Variants in TELO2 observed in about 807,000 individuals in gnomAD.
The protein encoded by TELO2 is telomere length regulation protein TEL2 homolog.
TELO2 carries 71 observed loss-of-function variants against 91.0 expected under a neutral mutation model. That is an observed-to-expected ratio of 0.78 (90% CI 0.64 to 0.95). The LOEUF (loss-of-function observed/expected upper bound fraction) is 0.95. TELO2 is among the 40% of genes least tolerant of loss of function. The pLI is 0.00. For missense variants in TELO2, 1,183 were observed against 1,141.3 expected (o/e 1.04, Z -0.53); for synonymous variants, 584 against 518.9 (o/e 1.13, Z -1.71).
Position 1,497,381 on chromosome 16 carries a change from G to A in TELO2, c.703G>A (p.Val235Ile), listed in dbSNP as rs368678190. The A allele has an allele frequency of 2.6e-6, 4 of 1,548,726 alleles. No individual in the cohort carries two copies. In the African/African-American group the frequency reaches 4.1e-5, roughly 16 times the overall value. Residue 235 changes from valine (V) to isoleucine (I), a missense_variant, in exon 5 of 21, where the codon GTA becomes ATA. Coordinates refer to ENST00000262319, the MANE Select transcript of TELO2 (RefSeq NM_016111.4). The surrounding 1 kb of genome is among the most constrained non-coding windows in gnomAD (Gnocchi z 4.0). ...GRQQEILGVLVPRLAALTQGS... is the reference protein window; with the variant it reads ...GRQQEILGVLIPRLAALTQGS... Reference sequence around the variant, plus strand: ...CTCAGAGGAGATCCTGGGCGTGCTGGTACCCCGGCTGGCAGCGCTCACCCA... The same window carrying A: ...CTCAGAGGAGATCCTGGGCGTGCTGATACCCCGGCTGGCAGCGCTCACCCA...
chr16:1,502,244 G>A (rs1357948938), intron 12 of TELO2, 69 bp from the exon 13 acceptor site: 21 of 1,567,372 alleles, frequency 1.3e-5, no homozygotes, highest in East Asian at 4.7e-5. Flanking sequence ...GGTGCCGCCC[G>A]TGCTGCTGGC....
intron 3 of TELO2, among the ~76,000 whole-genome samples, chr16:1,496,180 C>G (rs1053730000): frequency 1.3e-5 from 2 of 152,214 alleles, no homozygotes; most frequent in African/African-American, 4.8e-5. Context: ...AGACGCAGGT[C>G]GAGCACCTGG....
At chr16:1,498,711 G>A (rs1678401865) in intron 5 of TELO2, among the ~76,000 whole-genome samples, 1 of 92,180 alleles carries the variant, frequency 1.1e-5, no homozygotes, top group Admixed American at 1.1e-4. Context: ...TTTTTTAACC[G>A]TTATTTCTTT....
intron 15 of TELO2, among the ~76,000 whole-genome samples, chr16:1,504,163 G>A (rs955483918): frequency 8.0e-5 from 12 of 150,574 alleles, no homozygotes; most frequent in Admixed American, 4.0e-4. Flanking sequence ...AGCCGGCCAC[G>A]GCGGCTCACA....
In TELO2 at chr16:1,500,659, G is replaced by A. The variant is rs2039647514; in HGVS notation, c.1241G>A (p.Ser414Asn). The A allele has an allele frequency of 6.2e-7, 1 of 1,612,606 alleles. No individual in the cohort carries two copies. The highest frequency in any genetic ancestry group is 8.5e-7 in the Non-Finnish European group (1 of 1,179,842). The change falls in exon 9 of 21, where the codon AGT becomes AAT. Residue 414 changes from serine (S) to asparagine (N), a missense_variant. Physicochemically the swap from Ser to Asn is conservative, Grantham distance 46 (BLOSUM62 1). Coordinates refer to ENST00000262319, the MANE Select transcript of TELO2 (RefSeq NM_016111.4). ...GGCATGATCGTGGCAGAGGTCGTTAGTGCCCGGATCCACCCCGAGGGGCCT... is the reference window on the plus strand; with the variant it reads ...GGCATGATCGTGGCAGAGGTCGTTAATGCCCGGATCCACCCCGAGGGGCCT... ...RLGMIVAEVV[S>N]ARIHPEGPPL...
At position 1,495,575 on chromosome 16, in the gene TELO2, G is replaced by A. The variant is rs532008875; in HGVS notation, c.565G>A (p.Gly189Ser). The A allele has an allele frequency of 1.2e-6, 2 of 1,609,382 alleles. No individual in the cohort carries two copies. Among genetic ancestry groups the A allele is most frequent in the Non-Finnish European group, 1.7e-6 (2 of 1,177,680 alleles). The change falls in exon 3 of 21, where the codon GGC becomes AGC. Residue 189 changes from glycine (G) to serine (S), a missense_variant. Transcript: ENST00000262319. ...CCCCCAGAACTACTTCCGCCTGCTC[G>A]GCGAGGAGGTCGTCCGGGTGCTGCA... ...FFPQNYFRLL[G>S]EEVVRVLQAV...
rs911042043 is a variant in TELO2 at position 1,500,397 on chromosome 16, C to T, written c.1053C>T (p.His351=). 1.6e-5 allele frequency: 26 copies of T among 1,600,122 alleles called. No individual in the cohort carries two copies. Among genetic ancestry groups the T allele is most frequent in the East Asian group, 2.3e-5 (1 of 44,304 alleles). ...ETWGSSSAIR[H]TPLPQQRHVS... ...GGGGCAGCAGCAGTGCCATCCGCCA[C>T]ACTCCCCTGCCGCAGCAGCGCCACG... Residue 351 remains histidine, a synonymous_variant, in exon 8 of 21, where the codon CAC becomes CAT. Coordinates refer to ENST00000262319, the MANE Select transcript of TELO2 (RefSeq NM_016111.4).
intron 2 of TELO2, among the ~76,000 whole-genome samples, chr16:1,495,066 C>T (rs28613120): frequency 0.1 from 15,798 of 152,278 alleles, 866 homozygotes; most frequent in Middle Eastern, 0.18. Context: ...TTGCTGTGAT[C>T]AAAGCAAGCA....
intron 5 of TELO2, 85 bp from the exon 6 acceptor site, chr16:1,499,146 C>T (rs1053637350): frequency 2.5e-5 from 35 of 1,416,754 alleles, no homozygotes; most frequent in East Asian, 6.9e-5. Flanking sequence ...GTCAGGCCGC[C>T]GTCTGTGGGC....
intron 9 of TELO2, among the ~76,000 whole-genome samples, chr16:1,500,976 A>T (rs1457755157): frequency 1.3e-5 from 2 of 152,086 alleles, no homozygotes; most frequent in South Asian, 2.1e-4. Flanking sequence ...GCTGGGGTTA[A>T]GGGGGCCACC....
chr16:1,500,274 CAG>C, intron 7 of TELO2, 71 bp from the exon 8 acceptor site: 1 of 1,533,496 alleles, frequency 6.5e-7, no homozygotes, highest in Non-Finnish European at 8.8e-7. Context: ...GGAGCTCCCT[CAG>C]AGTGGCTGTG....
At position 1,497,054 on chromosome 16, in the gene TELO2, T is replaced by G. The variant is rs1224790952; in HGVS notation, c.632T>G (p.Val211Gly). 5 of 1,613,948 alleles carry G rather than the reference T, an allele frequency of 3.1e-6. No homozygotes were observed. Among genetic ancestry groups the G allele is most frequent in the Non-Finnish European group, 3.4e-6 (4 of 1,179,988 alleles). Residue 211 changes from valine (V) to glycine (G), a missense_variant, in exon 4 of 21, where the codon GTG becomes GGG. Physicochemically the swap from Val to Gly is moderately radical, Grantham distance 109 (BLOSUM62 -3). Coordinates refer to ENST00000262319, the MANE Select transcript of TELO2 (RefSeq NM_016111.4). The surrounding 1 kb of genome is among the most constrained non-coding windows in gnomAD (Gnocchi z 4.0). Reference sequence around the variant, plus strand: ...GTCCCAGGTGGCCTGGATTCCTCCGTGTCCTTCGTGTCTCAGGTCCTTGGG... The same window carrying G: ...GTCCCAGGTGGCCTGGATTCCTCCGGGTCCTTCGTGTCTCAGGTCCTTGGG... ...DSLQGGLDSS[V>G]SFVSQVLGKA...
Position 1,510,007 on chromosome 16 carries a change from C to T in TELO2, c.*71C>T. ...GCGGCTGAGCAGCGGCCTGGAGCAG[C>T]AGAGCCAGGCTTTGTAGCGAGGCCA... On this transcript the variant is annotated 3_prime_UTR_variant, in exon 21 of 21. Transcript: ENST00000262319. 7.3e-7 allele frequency: 1 copy of T among 1,377,250 alleles called. No homozygotes were observed. The highest frequency in any genetic ancestry group is 1.0e-6 in the Non-Finnish European group (1 of 998,756). The allele number at this position is 1,377,250 out of a possible 1,614,324, so 85.3% of individuals were successfully genotyped here.
At chr16:1,499,915 G>T (rs576701416) in intron 6 of TELO2, among the ~76,000 whole-genome samples, 181 bp from the exon 7 acceptor site, 1 of 152,364 alleles carries the variant, frequency 6.6e-6, no homozygotes, top group East Asian at 1.9e-4. Flanking sequence ...CTTGAGCCCA[G>T]GGGGCAGCTT....
chr16:1,494,395 T>C lies in TELO2; in HGVS notation c.114T>C (p.Tyr38=). The part of the protein sequence containing the change: ...IFCTLESLKR[Y]LGEMEPPALP... The stretch of plus-strand genomic sequence containing the variant: ...GCACCCTGGAGTCCCTGAAGCGGTA[T>C]CTCGGTGAGATGGAGCCTCCAGCGC... The change falls in exon 2 of 21, where the codon TAT becomes TAC. Residue 38 remains tyrosine, a synonymous_variant. Coordinates refer to ENST00000262319, the MANE Select transcript of TELO2 (RefSeq NM_016111.4). This position sits in a 1 kb window ranked among gnomAD's most constrained non-coding sequence, Gnocchi z 5.6. 6.2e-7 allele frequency: 1 copy of C among 1,613,520 alleles called. No individual in the cohort carries two copies. The highest frequency in any genetic ancestry group is 2.2e-5 in the East Asian group (1 of 44,866).
At position 1,506,578 on chromosome 16, in the gene TELO2, G is replaced by A. The variant is rs889740745; in HGVS notation, c.2126+249G>A. ...GGCTTGTGGCATGGCCGGCAGTGCC[G>A]CCCGCACGTGCCCGACGCCATCACC... is the stretch of plus-strand genomic sequence containing the variant. On this transcript the variant is annotated intron_variant, in intron 17 of 20. Coordinates refer to ENST00000262319, the MANE Select transcript of TELO2 (RefSeq NM_016111.4). The A allele has an allele frequency of 1.6e-5, 23 of 1,407,226 alleles. No homozygotes were observed. In the African/African-American group the frequency reaches 2.6e-4, roughly 16 times the overall value. The allele number at this position is 1,407,226 out of a possible 1,614,324, so 87.2% of individuals were successfully genotyped here.
intron 5 of TELO2, among the ~76,000 whole-genome samples, chr16:1,498,341 G>A (rs2039564693): frequency 6.6e-6 from 1 of 152,186 alleles, no homozygotes; most frequent in African/African-American, 2.4e-5. Flanking sequence ...TTCTGGGTGA[G>A]GGTGTGTGTG....
At position 1,494,419 on chromosome 16, in the gene TELO2, G is replaced by A. The variant is rs780539371; in HGVS notation, c.138G>A (p.Ala46=). ...KRYLGEMEPP[A]LPREKEEFAS... ...ATCTCGGTGAGATGGAGCCTCCAGC[G>A]CTCCCGAGGGAGAAGGAGGAGTTTG... The change falls in exon 2 of 21, where the codon GCG becomes GCA. Residue 46 remains alanine (A), a synonymous_variant. Coordinates refer to ENST00000262319, the MANE Select transcript of TELO2 (RefSeq NM_016111.4). The surrounding 1 kb of genome is among the most constrained non-coding windows in gnomAD (Gnocchi z 5.6). The A allele has an allele frequency of 6.2e-7, 1 of 1,613,360 alleles. No individual in the cohort carries two copies. The highest frequency in any genetic ancestry group is 2.2e-5 in the East Asian group (1 of 44,880).
At chr16:1,506,742 A>C (rs2039907784) in intron 17 of TELO2, 1 of 1,385,590 alleles carries the variant, frequency 7.2e-7, no homozygotes, top group Non-Finnish European at 9.3e-7. Flanking sequence ...GGCGTTGGGA[A>C]CTCCTGGCCC....
Sources: gnomAD v4.1 joint callset for allele counts (sites outside exome capture counted in the v4.1 genomes callset) on GRCh38, gnomAD v4.1.1 for gene constraint, Gnocchi (gnomAD v3.1) non-coding constraint, MANE v1.5 for transcripts, NCBI Gene and HGNC (gene_info 2026-07-23, HGNC 2026-07-21) for gene names.